The following CDC23 variants were observed in gnomAD, a reference collection of about 807,000 sequenced individuals.
CDC23 encodes the protein cell division cycle 23, also known as cell division cycle protein 23 homolog.
Under a neutral mutation model 81.7 loss-of-function variants are expected in CDC23, and 26 were observed. That is an observed-to-expected ratio of 0.32 (90% confidence interval 0.23 to 0.44). The LOEUF (loss-of-function observed/expected upper bound fraction) is 0.44, where lower values mean the gene tolerates loss of function less well. Ranked by LOEUF, CDC23 falls within the 20% of genes least tolerant of loss-of-function variation. The pLI is 1.00. For missense variants in CDC23, 519 were observed against 728.0 expected (o/e 0.71, Z 3.30); for synonymous variants, 267 against 270.8 (o/e 0.99, Z 0.14).
chr5:138,212,723 G>A (rs749881739), intron 2 of CDC23, among the ~76,000 whole-genome samples: 3 of 152,028 alleles, frequency 2.0e-5, no homozygotes, highest in Non-Finnish European at 2.9e-5. Flanking sequence ...GTCTAGGTTT[G>A]GCTATAAGCC....
chr5:138,208,069 C>T (rs1240182642), intron 2 of CDC23, among the ~76,000 whole-genome samples: 5 of 151,694 alleles, frequency 3.3e-5, no homozygotes, highest in African/African-American at 1.2e-4. Context: ...TCAAGCAATT[C>T]TCCTGCCTCG....
Position 138,206,577 on chromosome 5 carries a change from G to C in CDC23, c.342C>G (p.Ala114=), listed in dbSNP as rs773467459. The change falls in exon 3 of 16, where the codon GCC becomes GCG. Residue 114 remains alanine, a synonymous_variant. Coordinates refer to ENST00000394886, the MANE Select transcript of CDC23 (RefSeq NM_004661.4). ...ATCTGGAATACATATACAGAAAATA[G>C]GCTTTCTTGCTATTGCAGCCATGCA... ...HFLHGCNSKK[A]YFLYMYSRYL... The C allele has an allele frequency of 4.3e-6, 7 of 1,614,050 alleles. No individual in the cohort carries two copies. Among genetic ancestry groups the C allele is most frequent in the Middle Eastern group, 1.6e-4 (1 of 6,062 alleles).
At position 138,197,054 on chromosome 5, in the gene CDC23, G is replaced by T. The variant is rs970861684; in HGVS notation, c.1012+1145C>A. 5.3e-5 allele frequency among the ~76,000 whole-genome samples: 8 copies of T among 150,034 alleles called. 1 individual carries two copies. The highest frequency in any genetic ancestry group is 2.0e-4 in the African/African-American group (8 of 40,116). On this transcript the variant is annotated intron_variant, in intron 9 of 15. Transcript: ENST00000394886. ...CTAGTAATTATGCCTGGCTTCCTTT[G>T]ATTTTAACTGTCTCTGTTTTAAAAA...
chr5:138,192,704 T>G (rs375123723), intron 9 of CDC23, 47 bp from the exon 10 acceptor site: 343 of 1,561,382 alleles, frequency 2.2e-4, no homozygotes, highest in Non-Finnish European at 2.8e-4. Flanking sequence ...AAGGTAAAAA[T>G]AAAAGTCCAT....
At chr5:138,195,634 TATA>T (rs1400014419) in intron 9 of CDC23, among the ~76,000 whole-genome samples, 4 of 117,436 alleles carry the variant, frequency 3.4e-5, no homozygotes, top group African/African-American at 1.3e-4. Flanking sequence ...TATAAATATA[TATA>T]CATATATAAT....
chr5:138,212,981 A>C lies in CDC23; in HGVS notation c.234+10T>G, dbSNP rs775130311. 1.4e-5 allele frequency: 22 copies of C among 1,612,680 alleles called. No individual in the cohort carries two copies. In the African/African-American group the frequency reaches 1.6e-4, roughly 12 times the overall value. ...TTGATGGGGAGCGCTCACTGTAAACATGTCCTTACCTCTGTAATAGGCGGA... is the reference window on the plus strand; with the variant it reads ...TTGATGGGGAGCGCTCACTGTAAACCTGTCCTTACCTCTGTAATAGGCGGA... On this transcript the variant is annotated intron_variant, in intron 2 of 15. Transcript: ENST00000394886.
rs1754779545 is a variant in CDC23, at chr5:138,188,337, AT to A, written c.*640del. The A allele has an allele frequency of 6.6e-6, 1 of 152,046 alleles. No homozygotes were observed. Among genetic ancestry groups the A allele is most frequent in the Admixed American group, 6.6e-5 (1 of 15,258 alleles). 9.4% of individuals were successfully genotyped at this position (152,046 alleles called of 1,614,324 possible). On this transcript the variant is annotated 3_prime_UTR_variant, in exon 16 of 16. Transcript: ENST00000394886. The stretch of plus-strand genomic sequence containing the variant: ...CAGCAGTTCCAAGCTCTGTGAGATT[AT>A]TTTTGCCCTTCTTTTATTCAACTCT...
Position 138,208,149 on chromosome 5 carries a change from C to T in CDC23, c.235-1465G>A, listed in dbSNP as rs574168104. ...GCTAATTTTTGTATTTTAGTAGAGA[C>T]GGAGTTTCACCAGGCTGGTCTTGAA... is the stretch of plus-strand genomic sequence containing the variant. On this transcript the variant is annotated intron_variant, in intron 2 of 15. Coordinates refer to ENST00000394886, the MANE Select transcript of CDC23 (RefSeq NM_004661.4). Among the ~76,000 whole-genome samples the T allele has an allele frequency of 2.1e-3, 313 of 151,942 alleles. 2 individuals are homozygous for T. Among genetic ancestry groups the T allele is most frequent in the African/African-American group, 7.1e-3 (293 of 41,440 alleles).
chr5:138,198,811 T>C, intron 6 of CDC23, 29 bp from the exon 7 acceptor site: 4 of 1,598,046 alleles, frequency 2.5e-6, no homozygotes, highest in Non-Finnish European at 3.4e-6. Context: ...GGGACACACT[T>C]AATATAACTT....
chr5:138,206,392 CTTTA>C (rs1755049234), intron 3 of CDC23, 151 bp downstream of exon 3: 2 of 748,616 alleles, frequency 2.7e-6, no homozygotes, highest in Non-Finnish European at 4.5e-6. Flanking sequence ...TCCTTTTTAA[CTTTA>C]TTTATGATAT....
intron 2 of CDC23, among the ~76,000 whole-genome samples, chr5:138,208,293 T>A (rs1272162910): frequency 2.0e-5 from 3 of 152,180 alleles, no homozygotes; most frequent in Non-Finnish European, 2.9e-5. Context: ...AAAATTTGAA[T>A]AACTGTATTT....
Position 138,198,687 on chromosome 5 carries a change from C to G in CDC23, c.750G>C (p.Lys250Asn). The change falls in exon 7 of 16, where the codon AAG (lysine) becomes AAC (asparagine). Residue 250 changes from lysine to asparagine, a missense_variant. Lys to Asn is a moderately conservative substitution (Grantham distance 94). Around this residue, in one of 4 missense-constraint regions of CDC23, gnomAD observed 180 missense variants for 239.3 expected, o/e 0.75. Transcript: ENST00000394886. ...ELQLIEEALQKYQNLIDVGFS... is the reference protein window; with the variant it reads ...ELQLIEEALQNYQNLIDVGFS... ...AGCCCACATCAATGAGATTCTGATA[C>G]TTTTGCAGGGCCTCCTCTATCAACT... The G allele has an allele frequency of 2.5e-6, 4 of 1,614,132 alleles. No homozygotes were observed. Among genetic ancestry groups the G allele is most frequent in the Non-Finnish European group, 3.4e-6 (4 of 1,180,022 alleles).
intron 2 of CDC23, among the ~76,000 whole-genome samples, chr5:138,209,523 T>C (rs1013671038): frequency 6.6e-6 from 1 of 151,842 alleles, no homozygotes; most frequent in Admixed American, 6.6e-5. Context: ...GTAATGTTTA[T>C]AAAACACTGA....
intron 3 of CDC23, among the ~76,000 whole-genome samples, chr5:138,204,302 C>T (rs1037473482): frequency 3.9e-5 from 6 of 151,992 alleles, no homozygotes; most frequent in African/African-American, 1.2e-4. Context: ...GTCAGGAGTT[C>T]GAGACCAGCC....
Position 138,203,916 on chromosome 5 carries a change from T to TA in CDC23, c.373-1762dup, listed in dbSNP as rs1015981761. Among the ~76,000 whole-genome samples, 94 of 145,420 alleles carry TA rather than the reference T, an allele frequency of 6.5e-4. 1 individual carries two copies. The East Asian group carries it at 0.015, about 24-fold the overall frequency. On this transcript the variant is annotated intron_variant, in intron 3 of 15. Coordinates refer to ENST00000394886, the MANE Select transcript of CDC23 (RefSeq NM_004661.4). ...TGACAGAGCTAGACTCCATCTCAAA[T>TA]AAAAAAAAAATTGGAATTCAATAAT...
chr5:138,195,324 A>G (rs985904782), intron 9 of CDC23, among the ~76,000 whole-genome samples: 4 of 150,422 alleles, frequency 2.7e-5, no homozygotes, highest in Non-Finnish European at 5.9e-5. Context: ...GGCCAGGCGC[A>G]GTGGCTCACA....
chr5:138,195,510 T>C (rs139860515), intron 9 of CDC23, among the ~76,000 whole-genome samples: 2,093 of 123,416 alleles, frequency 0.017, 35 homozygotes, highest in Non-Finnish European at 0.027. Context: ...AAAATATATA[T>C]ATATAAATAT....
chr5:138,189,147 G>A lies in CDC23; in HGVS notation c.1625C>T (p.Thr542Ile), dbSNP rs1404580112. 6.2e-7 allele frequency: 1 copy of A among 1,612,450 alleles called. No individual in the cohort carries two copies. Among genetic ancestry groups the A allele is most frequent in the East Asian group, 2.2e-5 (1 of 44,842 alleles). ...CAQKCCAFND[T>I]REEGKALLRQ... is the part of the protein sequence containing the mutation. Reference sequence around the variant, plus strand: ...GAGTAAGGCCTTACCTTCTTCCCGGGTCTGCAACAAAGTCAGGGAAATGTT... The same window carrying A: ...GAGTAAGGCCTTACCTTCTTCCCGGATCTGCAACAAAGTCAGGGAAATGTT... The change falls in exon 16 of 16, where the codon ACC (threonine) becomes ATC (isoleucine). Residue 542 changes from threonine to isoleucine, a missense_variant and splice_region_variant. By Grantham distance (89) the Thr-to-Ile change is moderately conservative (BLOSUM62 -1). Coordinates refer to ENST00000394886, the MANE Select transcript of CDC23 (RefSeq NM_004661.4).
At chr5:138,189,210 T>A in intron 15 of CDC23, 62 bp from the exon 16 acceptor site, 1 of 1,505,332 alleles carries the variant, frequency 6.6e-7, no homozygotes, top group Non-Finnish European at 9.1e-7. Context: ...AAACAAGTTA[T>A]TAAGATGCTG....
Sources: allele counts gnomAD v4.1 joint callset (sites outside exome capture counted in the v4.1 genomes callset), GRCh38; gene constraint gnomAD v4.1.1; regional missense constraint gnomAD v4.1.1; transcripts MANE v1.5; gene names NCBI Gene and HGNC (gene_info 2026-07-23, HGNC 2026-07-21).